Variants in MANBA observed in about 807,000 individuals in gnomAD.
MANBA encodes the protein mannosidase beta, also known as beta-mannosidase.
Under a neutral mutation model 111.1 loss-of-function variants are expected in MANBA, and 83 were observed. That is an observed-to-expected ratio of 0.75 (90% confidence interval 0.63 to 0.90). MANBA has a LOEUF of 0.90. MANBA is among the 40% of genes least tolerant of loss of function. The probability of loss-of-function intolerance (pLI) is 0.00; values close to 1 mark genes in which losing one functional copy is unlikely to be tolerated. For synonymous variants in MANBA, 370 were observed against 378.7 expected (o/e 0.98, Z 0.27); for missense variants, 1,036 against 1,069.0 (o/e 0.97, Z 0.43).
At chr4:102,730,024 G>A (rs532399775) in intron 1 of MANBA, 26 of 808,650 alleles carry the variant, frequency 3.2e-5, no homozygotes, top group Non-Finnish European at 5.4e-5. Flanking sequence ...CCTCCGCCCA[G>A]ACAACCTTGG....
chr4:102,669,639 G>A (rs1731397538), intron 9 of MANBA, among the ~76,000 whole-genome samples: 1 of 152,092 alleles, frequency 6.6e-6, no homozygotes. Flanking sequence ...GAGGTCAAGA[G>A]TTCGAGACCA....
chr4:102,659,105 A>T (rs1730800029), intron 11 of MANBA: 3 of 152,246 alleles, frequency 2.0e-5, no homozygotes, highest in Non-Finnish European at 4.4e-5. Flanking sequence ...TCAAGTACTT[A>T]TACAACAAAT....
chr4:102,701,847 C>T (rs996387741), intron 5 of MANBA, among the ~76,000 whole-genome samples: 269 of 151,326 alleles, frequency 1.8e-3, no homozygotes, highest in African/African-American at 6.1e-3. Flanking sequence ...CTTGGAGTTG[C>T]TCTTCTCGAG....
intron 1 of MANBA, among the ~76,000 whole-genome samples, chr4:102,748,743 T>A (rs1341351211): frequency 6.6e-6 from 1 of 152,000 alleles, no homozygotes; most frequent in Non-Finnish European, 1.5e-5. Flanking sequence ...TGAAACACCA[T>A]CTCTAATAAA....
rs761444230 is a variant in MANBA at position 102,760,807 on chromosome 4, T to G, written c.88A>C (p.Ser30Arg). Reference sequence around the variant, plus strand: ...AGCGAGCCGTTCCCATTGCAGATGCTCCAGTTGCCACGCAAGCTGTAACTG... The same window carrying G: ...AGCGAGCCGTTCCCATTGCAGATGCGCCAGTTGCCACGCAAGCTGTAACTG... ...ELSYSLRGNWSICNGNGSLEL... is the reference protein window; with the variant it reads ...ELSYSLRGNWRICNGNGSLEL... The change falls in exon 1 of 17, where the codon AGC becomes CGC. Residue 30 changes from serine to arginine, a missense_variant. Ser to Arg is a moderately radical substitution (Grantham distance 110). Coordinates refer to ENST00000647097, the MANE Select transcript of MANBA (RefSeq NM_005908.4). 5.1e-6 allele frequency: 8 copies of G among 1,560,850 alleles called. No individual in the cohort carries two copies. The East Asian group carries it at 1.9e-4, about 37-fold the overall frequency.
Position 102,689,623 on chromosome 4 carries a change from G to C in MANBA, c.911C>G (p.Thr304Ser). The C allele has an allele frequency of 6.2e-7, 1 of 1,611,348 alleles. No individual in the cohort carries two copies. Among genetic ancestry groups the C allele is most frequent in the Non-Finnish European group, 8.5e-7 (1 of 1,177,958 alleles). The change falls in exon 7 of 17, where the codon ACT becomes AGT. Residue 304 changes from threonine (T) to serine (S), a missense_variant. Transcript: ENST00000647097. ...GCCTCCATCCAGTTCAAAAAGAACA[G>C]TCATGTTGTACCCAGTCTGGTTTCC... ...GHGNQTGYNM[T>S]VLFELDGGLN...
At chr4:102,668,489 G>A (rs541595563) in intron 10 of MANBA, 202 of 181,276 alleles carry the variant, frequency 1.1e-3, no homozygotes, top group Non-Finnish European at 1.9e-3. Context: ...TTATATATCT[G>A]TGAATATAAA....
chr4:102,729,842 C>A (rs1316442825), intron 1 of MANBA: 1 of 1,370,326 alleles, frequency 7.3e-7, no homozygotes, highest in East Asian at 2.3e-5. Context: ...GCTCCAGGAA[C>A]CATACCTTGT....
intron 8 of MANBA, chr4:102,671,822 C>T (rs1731512044): frequency 2.4e-6 from 1 of 421,004 alleles, no homozygotes; most frequent in East Asian, 3.5e-5. Context: ...GTATTTCTTT[C>T]TCTAGTAAAT....
At chr4:102,680,963 A>G (rs544669116) in intron 7 of MANBA, among the ~76,000 whole-genome samples, 2 of 152,162 alleles carry the variant, frequency 1.3e-5, no homozygotes, top group Non-Finnish European at 2.9e-5. Context: ...GGCCTATCTG[A>G]CCAATTCACA....
At chr4:102,695,583 GAGGT>G (rs1187590736) in intron 5 of MANBA, among the ~76,000 whole-genome samples, 7 of 152,124 alleles carry the variant, frequency 4.6e-5, no homozygotes, top group Non-Finnish European at 5.9e-5. Flanking sequence ...CAAAATGTTC[GAGGT>G]AGAAGAAACT....
At chr4:102,712,469 CA>C (rs1337102103) in intron 5 of MANBA, among the ~76,000 whole-genome samples, 1 of 151,582 alleles carries the variant, frequency 6.6e-6, no homozygotes, top group Non-Finnish European at 1.5e-5. Context: ...GCAGACCACC[CA>C]AAATACTGAT....
chr4:102,664,617 C>G, intron 11 of MANBA, 68 bp downstream of exon 11: 3 of 1,403,780 alleles, frequency 2.1e-6, no homozygotes, highest in Non-Finnish European at 3.0e-6. Flanking sequence ...GGATTACAGG[C>G]GTGAGCCACC....
chr4:102,707,983 A>G (rs1733379391), intron 5 of MANBA, among the ~76,000 whole-genome samples: 1 of 152,152 alleles, frequency 6.6e-6, no homozygotes, highest in Admixed American at 6.6e-5. Flanking sequence ...ATATATCTGC[A>G]CCCAACTTGG....
At chr4:102,689,220 G>A (rs1353234553) in intron 7 of MANBA, among the ~76,000 whole-genome samples, 1 of 151,858 alleles carries the variant, frequency 6.6e-6, no homozygotes, top group African/African-American at 2.4e-5. Context: ...GTGGTGGCGG[G>A]TGCCTGTAAT....
At chr4:102,721,329 C>CATAAATAAATAAATAAATAA (rs57059616) in intron 4 of MANBA, among the ~76,000 whole-genome samples, 132 of 151,120 alleles carry the variant, frequency 8.7e-4, no homozygotes, top group African/African-American at 3.1e-3. Context: ...ATCTCAAATA[C>CATAAATAAATAAATAAATAA]ATAAATAAAT....
intron 5 of MANBA, among the ~76,000 whole-genome samples, chr4:102,704,445 C>G (rs189247837): frequency 2.1e-3 from 324 of 152,290 alleles, no homozygotes; most frequent in African/African-American, 7.2e-3. Context: ...CTAAAGATTA[C>G]AAGCATGAGC....
intron 1 of MANBA, among the ~76,000 whole-genome samples, chr4:102,738,475 T>C (rs945651301): frequency 6.6e-6 from 1 of 152,180 alleles, no homozygotes; most frequent in Non-Finnish European, 1.5e-5. Context: ...GTAGCTCCGC[T>C]GGGTGGCTAG....
chr4:102,632,596 C>T lies in MANBA; in HGVS notation c.2416-315G>A, dbSNP rs543010417. 2.0e-5 allele frequency among the ~76,000 whole-genome samples: 3 copies of T among 152,314 alleles called. No individual in the cohort carries two copies. In the East Asian group the frequency reaches 5.8e-4, roughly 29 times the overall value. Reference sequence around the variant, plus strand: ...TCTCAGAGTATCATCAAGAGAGCAACATTTTTACATACAGCCTGGGTGGTT... The same window carrying T: ...TCTCAGAGTATCATCAAGAGAGCAATATTTTTACATACAGCCTGGGTGGTT... On this transcript the variant is annotated intron_variant, in intron 16 of 16. Coordinates refer to ENST00000647097, the MANE Select transcript of MANBA (RefSeq NM_005908.4).
Sources: gnomAD v4.1 joint callset for allele counts (sites outside exome capture counted in the v4.1 genomes callset) on GRCh38, gnomAD v4.1.1 for gene constraint, MANE v1.5 for transcripts, NCBI Gene and HGNC (gene_info 2026-07-23, HGNC 2026-07-21) for gene names.